ZC4H2: variants seen among roughly 807,000 people sequenced by gnomAD.
The protein encoded by ZC4H2 is zinc finger C4H2 domain-containing protein.
For synonymous variants in ZC4H2, 84 were observed against 66.3 expected (o/e 1.27, Z -1.30); for missense variants, 137 against 173.9 (o/e 0.79, Z 1.19).
rs190180314 is a variant in ZC4H2 at position 65,023,369 on chromosome X, C to T, written c.-272+11260G>A. On this transcript the variant is annotated intron_variant, in intron 1 of 4. Transcript: ENST00000337990. ...TTATTTCTTTCTATTGCCTGATTGT[C>T]CTGGCCAGAACTTCCAATACTATGT... 3.6e-5 allele frequency among the ~76,000 whole-genome samples: 4 copies of T among 111,705 alleles called. No individual in the cohort carries two copies. The East Asian group carries it at 8.5e-4, about 24-fold the overall frequency.
intron 1 of ZC4H2, among the ~76,000 whole-genome samples, chrX:64,954,069 C>T (rs893776111): frequency 1.1e-3 from 121 of 105,916 alleles, no homozygotes; most frequent in Non-Finnish European, 2.0e-3. Context: ...ATCGCAAGGA[C>T]GAAAAACCAA....
At chrX:65,026,853 A>C (rs369848470) in intron 1 of ZC4H2, among the ~76,000 whole-genome samples, 1 of 112,420 alleles carries the variant, frequency 8.9e-6, no homozygotes, top group Admixed American at 9.4e-5. Context: ...TCACTGCTGC[A>C]TCTCTCTGTG....
intron 1 of ZC4H2, among the ~76,000 whole-genome samples, chrX:64,963,693 A>T (rs1301380256): frequency 9.0e-6 from 1 of 111,397 alleles, no homozygotes; most frequent in Admixed American, 9.5e-5. Flanking sequence ...AAATATATAA[A>T]TCCAGCACTC....
At chrX:64,989,924 G>A (rs1395053202) in intron 1 of ZC4H2, among the ~76,000 whole-genome samples, 1 of 111,896 alleles carries the variant, frequency 8.9e-6, no homozygotes, top group African/African-American at 3.2e-5. Flanking sequence ...ATACATTGCA[G>A]GTGAGCATGC....
At chrX:65,001,290 C>A (rs972517771) in intron 1 of ZC4H2, among the ~76,000 whole-genome samples, 1 of 111,572 alleles carries the variant, frequency 9.0e-6, no homozygotes, top group Non-Finnish European at 1.9e-5. Flanking sequence ...GGGCCAATAT[C>A]CAACATTCTT....
At chrX:64,959,677 T>C in intron 1 of ZC4H2, among the ~76,000 whole-genome samples, 1 of 108,760 alleles carries the variant, frequency 9.2e-6, no homozygotes, top group Non-Finnish European at 1.9e-5. Flanking sequence ...GTGGCAACTA[T>C]GGACAGTACA....
At chrX:64,918,738 C>A (rs1191791220) in intron 4 of ZC4H2, 1 of 206,595 alleles carries the variant, frequency 4.8e-6, no homozygotes, top group Non-Finnish European at 8.8e-6. Flanking sequence ...TGCTGGTTCC[C>A]TCATTTATGA....
chrX:64,999,933 A>G (rs1413091344), intron 1 of ZC4H2, among the ~76,000 whole-genome samples: 1 of 112,257 alleles, frequency 8.9e-6, no homozygotes, highest in African/African-American at 3.2e-5. Flanking sequence ...GAAAGGCAGC[A>G]GCCCCAGTCA....
At chrX:65,028,854 C>T (rs1468846973) in intron 1 of ZC4H2, among the ~76,000 whole-genome samples, 1 of 111,047 alleles carries the variant, frequency 9.0e-6, no homozygotes, top group African/African-American at 3.3e-5. Context: ...GGGAATCTAC[C>T]CCAACAAAGA....
At chrX:64,960,633 C>T (rs1602421299) in intron 1 of ZC4H2, among the ~76,000 whole-genome samples, 1 of 112,274 alleles carries the variant, frequency 8.9e-6, no homozygotes, top group East Asian at 2.8e-4. Flanking sequence ...AAAACTGATA[C>T]TAAGTATAGG....
chrX:64,940,875 A>T (rs192415077), intron 1 of ZC4H2, among the ~76,000 whole-genome samples: 20 of 112,150 alleles, frequency 1.8e-4, no homozygotes, highest in African/African-American at 6.5e-4. Context: ...TGTCTTTGCT[A>T]TACGGGCTCT....
At chrX:64,967,027 A>T (rs1033213605) in intron 1 of ZC4H2, among the ~76,000 whole-genome samples, 4 of 111,302 alleles carry the variant, frequency 3.6e-5, no homozygotes, top group Non-Finnish European at 7.5e-5. Context: ...ACTAAACATA[A>T]CTTCTAAGCA....
chrX:64,996,613 A>G (rs964442427), intron 1 of ZC4H2, among the ~76,000 whole-genome samples: 35 of 112,272 alleles, frequency 3.1e-4, no homozygotes, highest in Non-Finnish European at 5.3e-4. Context: ...TGTATGAACA[A>G]AATTAAAATA....
intron 1 of ZC4H2, among the ~76,000 whole-genome samples, chrX:64,952,572 C>T (rs1206170265): frequency 9.0e-6 from 1 of 111,015 alleles, no homozygotes; most frequent in Non-Finnish European, 1.9e-5. Context: ...TTCACAGTTG[C>T]TTCAAAGAGA....
At chrX:64,919,273 C>A in intron 3 of ZC4H2, 69 bp from the exon 4 acceptor site, 1 of 1,136,894 alleles carries the variant, frequency 8.8e-7, no homozygotes, top group Admixed American at 2.2e-5. Flanking sequence ...CTTAAAGACT[C>A]CATGCCATAC....
At chrX:64,936,128 A>G (rs1929999906) in intron 1 of ZC4H2, among the ~76,000 whole-genome samples, 1 of 109,763 alleles carries the variant, frequency 9.1e-6, no homozygotes, top group African/African-American at 3.3e-5. Flanking sequence ...TGAAGCATAC[A>G]CAAGAATCAA....
At chrX:64,991,633 A>G (rs1325727198) in intron 1 of ZC4H2, among the ~76,000 whole-genome samples, 3 of 112,076 alleles carry the variant, frequency 2.7e-5, no homozygotes, top group Non-Finnish European at 5.6e-5. Context: ...CAAGTTAAAC[A>G]TAGAATTACC....
chrX:64,980,601 A>G (rs764605984), upstream of ZC4H2, among the ~76,000 whole-genome samples: 2 of 112,337 alleles, frequency 1.8e-5, no homozygotes, highest in Admixed American at 1.9e-4. Context: ...GCATGTATTA[A>G]GTTAGTTTAA....
chrX:64,982,357 T>C (rs887976941), intron 1 of ZC4H2, among the ~76,000 whole-genome samples: 1 of 112,065 alleles, frequency 8.9e-6, no homozygotes, highest in East Asian at 2.8e-4. Flanking sequence ...GAACTACTCA[T>C]AGGGCCCTTG....
Sources: allele counts gnomAD v4.1 joint callset (sites outside exome capture counted in the v4.1 genomes callset), GRCh38; gene constraint gnomAD v4.1.1; transcripts MANE v1.5; gene names NCBI Gene and HGNC (gene_info 2026-07-23, HGNC 2026-07-21).